Variants in CD109 observed in about 807,000 individuals in gnomAD.
CD109 encodes the protein CD109 molecule, also known as CD109 antigen.
In CD109, 149 loss-of-function variants were observed where a neutral mutation model predicts 165.8. The observed-to-expected ratio is 0.90, with a 90% CI of 0.79 to 1.03. CD109 has a LOEUF of 1.03. Among genes scored for constraint, CD109 ranks in the 50% least tolerant of loss-of-function variants. The pLI is 0.00. For synonymous variants in CD109, 585 were observed against 592.1 expected (o/e 0.99, Z 0.18); for missense variants, 1,712 against 1,677.8 (o/e 1.02, Z -0.36).
intron 15 of CD109, among the ~76,000 whole-genome samples, chr6:73,779,147 A>G (rs1411783658): frequency 6.6e-6 from 1 of 151,910 alleles, no homozygotes; most frequent in Admixed American, 6.6e-5. Flanking sequence ...CCTATTCTAG[A>G]TATTTCACAT....
At chr6:73,768,372 T>C (rs1340975948) in intron 14 of CD109, 141 bp downstream of exon 14, 3 of 593,894 alleles carry the variant, frequency 5.1e-6, no homozygotes, top group Non-Finnish European at 8.8e-6. Context: ...ATGGTTAAAC[T>C]TTTCAATATT....
intron 2 of CD109, among the ~76,000 whole-genome samples, chr6:73,698,471 T>C (rs1028110244): frequency 6.6e-6 from 1 of 152,078 alleles, no homozygotes; most frequent in African/African-American, 2.4e-5. Flanking sequence ...AGTCCTAAGC[T>C]ACTGCTCCTG....
chr6:73,821,748 G>A (rs771451752), intron 32 of CD109, among the ~76,000 whole-genome samples: 13 of 152,272 alleles, frequency 8.5e-5, no homozygotes, highest in Admixed American at 2.0e-4. Context: ...GGGAATAAGG[G>A]CTGAAACACT....
chr6:73,752,063 C>T (rs148084385), intron 5 of CD109, among the ~76,000 whole-genome samples: 383 of 152,266 alleles, frequency 2.5e-3, no homozygotes, highest in Non-Finnish European at 4.6e-3. Context: ...GTAAAAGGTA[C>T]ATCCAGACAC....
At chr6:73,810,689 A>G (rs1477393506) in intron 27 of CD109, among the ~76,000 whole-genome samples, 3 of 152,180 alleles carry the variant, frequency 2.0e-5, no homozygotes, top group Non-Finnish European at 2.9e-5. Flanking sequence ...CATTGTACAG[A>G]AATCCATTGT....
At chr6:73,819,940 A>T (rs966078248) in intron 31 of CD109, among the ~76,000 whole-genome samples, 1 of 144,012 alleles carries the variant, frequency 6.9e-6, no homozygotes, top group Non-Finnish European at 1.5e-5. Flanking sequence ...GAATTTACTA[A>T]TTTCTGATTC....
At chr6:73,700,577 G>T (rs540851728) in intron 2 of CD109, among the ~76,000 whole-genome samples, 19 of 152,028 alleles carry the variant, frequency 1.2e-4, no homozygotes, top group African/African-American at 4.6e-4. Context: ...AATTTGTGTT[G>T]GAAATAGTAA....
At chr6:73,776,717 C>G (rs1321641112) in intron 15 of CD109, among the ~76,000 whole-genome samples, 1 of 149,396 alleles carries the variant, frequency 6.7e-6, no homozygotes, top group Non-Finnish European at 1.5e-5. Context: ...GCCACCATAC[C>G]CAGCTGATTT....
chr6:73,813,342 G>A (rs1309375821), intron 29 of CD109, among the ~76,000 whole-genome samples: 1 of 152,106 alleles, frequency 6.6e-6, no homozygotes, highest in Non-Finnish European at 1.5e-5. Context: ...AAAATTATAT[G>A]TACTTAAATC....
At chr6:73,739,868 T>A (rs531445246) in intron 5 of CD109, among the ~76,000 whole-genome samples, 27 of 151,640 alleles carry the variant, frequency 1.8e-4, no homozygotes, top group African/African-American at 3.7e-4. Context: ...AAGTATTTTT[T>A]AAATTTTTTA....
chr6:73,739,771 C>T (rs970402706), intron 5 of CD109, among the ~76,000 whole-genome samples: 1 of 152,118 alleles, frequency 6.6e-6, no homozygotes, highest in African/African-American at 2.4e-5. Context: ...TGGCGTGAAC[C>T]TGGGAGGCGG....
Position 73,827,466 on chromosome 6 carries a change from G to T in CD109, c.*3833G>T, listed in dbSNP as rs1422595139. The T allele has an allele frequency of 1.3e-5, 2 of 151,806 alleles. No individual in the cohort carries two copies. Among genetic ancestry groups the T allele is most frequent in the Non-Finnish European group, 2.9e-5 (2 of 67,938 alleles). 9.4% of individuals were successfully genotyped at this position (151,806 alleles called of 1,614,324 possible). On this transcript the variant is annotated 3_prime_UTR_variant, in exon 33 of 33. Coordinates refer to ENST00000287097, the MANE Select transcript of CD109 (RefSeq NM_133493.5). Reference sequence around the variant, plus strand: ...AAATTAGAATTTTTCTATCATCTATGCAAATGATATTTATGTTAATATTAA... The same window carrying T: ...AAATTAGAATTTTTCTATCATCTATTCAAATGATATTTATGTTAATATTAA...
chr6:73,733,430 T>A (rs1314246482), intron 4 of CD109, among the ~76,000 whole-genome samples: 8 of 152,228 alleles, frequency 5.3e-5, no homozygotes, highest in Admixed American at 3.3e-4. Context: ...GTTATTCATT[T>A]TGCATGCCCC....
intron 2 of CD109, among the ~76,000 whole-genome samples, chr6:73,715,567 A>C (rs75707723): frequency 1.6e-5 from 2 of 124,548 alleles, no homozygotes; most frequent in African/African-American, 8.1e-5. Context: ...CCTGTCTCCA[A>C]AAAAAAAAAA....
At chr6:73,731,934 C>T (rs543794790) in intron 4 of CD109, among the ~76,000 whole-genome samples, 7 of 152,300 alleles carry the variant, frequency 4.6e-5, no homozygotes, top group African/African-American at 1.7e-4. Flanking sequence ...GTAGTTTTGT[C>T]TCTGCTGCTT....
Position 73,762,836 on chromosome 6 carries a change from C to T in CD109, c.951C>T (p.Ser317=). ...TTTCTGAATACCTGGATCTATCTTC[C>T]CCTGGACCAGTAGAAATTTTAACCA... is the stretch of plus-strand genomic sequence containing the variant. The part of the protein sequence containing the change: ...NGLSEYLDLS[S]PGPVEILTTV... The change falls in exon 9 of 33, where the codon TCC becomes TCT. Residue 317 remains serine, a synonymous_variant. Coordinates refer to ENST00000287097, the MANE Select transcript of CD109 (RefSeq NM_133493.5). The T allele has an allele frequency of 1.2e-6, 2 of 1,612,706 alleles. No individual in the cohort carries two copies. The highest frequency in any genetic ancestry group is 2.2e-5 in the East Asian group (1 of 44,748).
chr6:73,823,770 C>A lies in CD109; in HGVS notation c.*137C>A. ...TCTATGGGGTTGCAGGGATGGTGTACAACAGGTCCTAGCATGTATAGCTGC... is the reference window on the plus strand; with the variant it reads ...TCTATGGGGTTGCAGGGATGGTGTAAAACAGGTCCTAGCATGTATAGCTGC... On this transcript the variant is annotated 3_prime_UTR_variant, in exon 33 of 33. Transcript: ENST00000287097. 1 of 705,488 alleles carries A rather than the reference C, an allele frequency of 1.4e-6. No homozygotes were observed. The highest frequency in any genetic ancestry group is 2.3e-6 in the Non-Finnish European group (1 of 428,696). The allele number at this position is 705,488 out of a possible 1,614,324, so 43.7% of individuals were successfully genotyped here.
At chr6:73,810,224 T>C in intron 27 of CD109, 50 bp downstream of exon 27, 1 of 461,428 alleles carries the variant, frequency 2.2e-6, no homozygotes, top group Non-Finnish European at 3.3e-6. Context: ...TAATATAGAT[T>C]TATTTATTAT....
At chr6:73,802,978 G>GT (rs1339258733) in intron 23 of CD109, among the ~76,000 whole-genome samples, 1 of 152,062 alleles carries the variant, frequency 6.6e-6, no homozygotes, top group Non-Finnish European at 1.5e-5. Flanking sequence ...GGGATTATAG[G>GT]TGTGAGCCAC....
Sources: gnomAD v4.1 joint callset for allele counts (sites outside exome capture counted in the v4.1 genomes callset) on GRCh38, gnomAD v4.1.1 for gene constraint, MANE v1.5 for transcripts, NCBI Gene and HGNC (gene_info 2026-07-23, HGNC 2026-07-21) for gene names.